The following GALNT13 variants were observed in gnomAD, a reference collection of about 807,000 sequenced individuals.
GALNT13 encodes polypeptide N-acetylgalactosaminyltransferase 13.
A neutral mutation model predicts 64.2 loss-of-function variants in GALNT13; 28 were observed. The ratio of observed to expected loss-of-function variants is 0.44; its 90% confidence interval spans 0.32 to 0.60. The LOEUF is 0.60. GALNT13 is among the 20% of genes least tolerant of loss of function. The pLI, the probability that GALNT13 is intolerant of heterozygous loss-of-function variation, is 0.05. For synonymous variants in GALNT13, 214 were observed against 224.6 expected (o/e 0.95, Z 0.42); for missense variants, 577 against 669.8 (o/e 0.86, Z 1.53).
At chr2:153,600,091 C>T in the GALNT13 span, among the ~76,000 whole-genome samples, 1 of 151,954 alleles carries the variant, frequency 6.6e-6, no homozygotes, top group Admixed American at 6.6e-5. Flanking sequence ...AATATATTTA[C>T]CTTTCAGCTA....
the GALNT13 span, among the ~76,000 whole-genome samples, chr2:153,673,716 A>T: frequency 1.3e-5 from 2 of 152,124 alleles, no homozygotes; most frequent in Non-Finnish European, 2.9e-5. Flanking sequence ...GGGCAATCAG[A>T]CAAGAGAAAG....
At chr2:153,313,087 T>A in the GALNT13 span, among the ~76,000 whole-genome samples, 1 of 152,122 alleles carries the variant, frequency 6.6e-6, no homozygotes, top group Non-Finnish European at 1.5e-5. Flanking sequence ...TTATACACTG[T>A]TGGGAGTGTA....
At chr2:153,235,302 G>T in the GALNT13 span, among the ~76,000 whole-genome samples, 1 of 152,162 alleles carries the variant, frequency 6.6e-6, no homozygotes, top group Non-Finnish European at 1.5e-5. Context: ...TGAGTCCAAA[G>T]TAAAAGTAAG....
At chr2:153,562,441 GTGTC>G in the GALNT13 span, among the ~76,000 whole-genome samples, 149 of 152,104 alleles carry the variant, frequency 9.8e-4, no homozygotes, top group Admixed American at 2.6e-3. Context: ...TTCATACACT[GTGTC>G]TGTCTTCTTT....
chr2:153,639,474 T>C, the GALNT13 span, among the ~76,000 whole-genome samples: 2 of 152,158 alleles, frequency 1.3e-5, no homozygotes. Flanking sequence ...TGAAAGACCA[T>C]GTACATGAAC....
the GALNT13 span, among the ~76,000 whole-genome samples, chr2:153,243,222 A>G: frequency 1.3e-5 from 2 of 152,164 alleles, no homozygotes; most frequent in African/African-American, 4.8e-5. Flanking sequence ...AATGGAATGC[A>G]TGGTAGAAGG....
At chr2:154,159,073 C>G (rs1044409323) in intron 4 of GALNT13, among the ~76,000 whole-genome samples, 1 of 151,852 alleles carries the variant, frequency 6.6e-6, no homozygotes, top group Admixed American at 6.6e-5. Flanking sequence ...TCTTTTCTCA[C>G]TAAACATAAG....
chr2:153,190,771 G>T, the GALNT13 span, among the ~76,000 whole-genome samples: 1 of 151,696 alleles, frequency 6.6e-6, no homozygotes, highest in Non-Finnish European at 1.5e-5. Context: ...TGTTTTATAG[G>T]TTTTGTAGAG....
At chr2:153,466,650 G>A in the GALNT13 span, among the ~76,000 whole-genome samples, 1 of 151,944 alleles carries the variant, frequency 6.6e-6, no homozygotes, top group East Asian at 1.9e-4. Context: ...GACTTTTCTA[G>A]AGCTTCTTCT....
At chr2:153,769,877 G>T in the GALNT13 span, among the ~76,000 whole-genome samples, 7 of 152,016 alleles carry the variant, frequency 4.6e-5, no homozygotes, top group Admixed American at 2.0e-4. Context: ...TATTTCAATT[G>T]TATTTTGTAA....
intron 4 of GALNT13, among the ~76,000 whole-genome samples, chr2:154,188,969 A>G (rs372356961): frequency 3.9e-5 from 6 of 152,222 alleles, no homozygotes; most frequent in Admixed American, 3.3e-4. Context: ...TCTTGAATCA[A>G]TTATTTAAAT....
At chr2:154,236,790 A>T (rs1573931550) in intron 4 of GALNT13, among the ~76,000 whole-genome samples, 1 of 152,076 alleles carries the variant, frequency 6.6e-6, no homozygotes, top group Admixed American at 6.6e-5. Flanking sequence ...TAACTTCATA[A>T]GACATGTTGC....
At chr2:154,150,807 G>C (rs1280038140) in intron 4 of GALNT13, among the ~76,000 whole-genome samples, 2 of 152,086 alleles carry the variant, frequency 1.3e-5, no homozygotes, top group Admixed American at 6.5e-5. Context: ...GCGTCTATTT[G>C]ATTCTTCTCT....
chr2:153,826,606 A>C, the GALNT13 span, among the ~76,000 whole-genome samples: 1 of 152,096 alleles, frequency 6.6e-6, no homozygotes, highest in Non-Finnish European at 1.5e-5. Flanking sequence ...AAACCCAAAG[A>C]AAGACAGAAA....
chr2:153,165,635 C>T, the GALNT13 span, among the ~76,000 whole-genome samples: 1 of 152,090 alleles, frequency 6.6e-6, no homozygotes, highest in African/African-American at 2.4e-5. Flanking sequence ...ATTGTGGAAA[C>T]CAGGAAGCTG....
the GALNT13 span, among the ~76,000 whole-genome samples, chr2:153,712,688 A>G: frequency 6.6e-6 from 1 of 152,174 alleles, no homozygotes; most frequent in Admixed American, 6.6e-5. Context: ...CAAATTCACA[A>G]GCAACTTTGA....
At chr2:154,101,331 G>A (rs1702336880) in intron 3 of GALNT13, among the ~76,000 whole-genome samples, 1 of 151,750 alleles carries the variant, frequency 6.6e-6, no homozygotes, top group African/African-American at 2.4e-5. Flanking sequence ...CAATTTTAAT[G>A]CTCATTCTTG....
chr2:153,096,243 TG>T, the GALNT13 span, among the ~76,000 whole-genome samples: 2 of 152,200 alleles, frequency 1.3e-5, no homozygotes, highest in African/African-American at 2.4e-5. Context: ...TATTTTAGTT[TG>T]TTTTTTTTTG....
the GALNT13 span, among the ~76,000 whole-genome samples, chr2:153,075,500 G>GT: frequency 6.6e-6 from 1 of 152,094 alleles, no homozygotes; most frequent in East Asian, 1.9e-4. Flanking sequence ...ACTGGAAGCA[G>GT]ATTTATTTTT....
Sources: gnomAD v4.1 joint callset for allele counts (sites outside exome capture counted in the v4.1 genomes callset) on GRCh38, gnomAD v4.1.1 for gene constraint, MANE v1.5 for transcripts, NCBI Gene and HGNC (gene_info 2026-07-23, HGNC 2026-07-21) for gene names.